DENND5A: variants seen among roughly 807,000 people sequenced by gnomAD.
The protein encoded by DENND5A is DENN domain containing 5A, also known as DENN domain-containing protein 5A.
Under a neutral mutation model 140.3 loss-of-function variants are expected in DENND5A, and 64 were observed. That is an observed-to-expected ratio of 0.46 (90% CI 0.37 to 0.56). The LOEUF is 0.56. Ranked by LOEUF, DENND5A falls within the 20% of genes least tolerant of loss-of-function variation. The pLI, the probability that DENND5A is intolerant of heterozygous loss-of-function variation, is 0.00. For synonymous variants in DENND5A, 605 were observed against 607.7 expected (o/e 1.00, Z 0.07); for missense variants, 1,292 against 1,593.8 (o/e 0.81, Z 3.22).
intron 10 of DENND5A, 95 bp from the exon 11 acceptor site, chr11:9,166,062 T>C (rs1848180956): frequency 8.7e-7 from 1 of 1,153,192 alleles, no homozygotes; most frequent in Non-Finnish European, 1.2e-6. Flanking sequence ...CATTATTTTC[T>C]CACATTTTCT....
rs11422899 is a variant in DENND5A at position 9,252,295 on chromosome 11, C to CAAA, written c.109+12663_109+12665dup. ...TGGGCGACAGAGCAAGACTCCGTCTCAAAAAAAAAAAAAAAAAAAGAACTA... is the reference window on the plus strand; with the variant it reads ...TGGGCGACAGAGCAAGACTCCGTCTCAAAAAAAAAAAAAAAAAAAAAAGAACTA... On this transcript the variant is annotated intron_variant, in intron 1 of 22. Coordinates refer to ENST00000328194, the MANE Select transcript of DENND5A (RefSeq NM_015213.4). Among the ~76,000 whole-genome samples the CAAA allele has an allele frequency of 5.0e-3, 343 of 68,992 alleles. 6 individuals carry two copies. The highest frequency in any genetic ancestry group is 0.047 in the East Asian group (85 of 1,816). The allele number at this position is 68,992 out of a possible 152,430, so 45.3% of individuals were successfully genotyped here.
At chr11:9,257,734 G>A (rs561213123) in intron 1 of DENND5A, among the ~76,000 whole-genome samples, 16 of 149,206 alleles carry the variant, frequency 1.1e-4, no homozygotes, top group African/African-American at 2.2e-4. Flanking sequence ...CGCCCACCCC[G>A]GCCTCCCAAA....
At chr11:9,170,831 CAAAT>C in intron 8 of DENND5A, 54 bp from the exon 9 acceptor site, 1 of 1,589,720 alleles carries the variant, frequency 6.3e-7, no homozygotes, top group South Asian at 1.1e-5. Flanking sequence ...AATACACACA[CAAAT>C]AAATCAAGTC....
chr11:9,176,717 T>C (rs970132427), intron 8 of DENND5A: 10 of 328,808 alleles, frequency 3.0e-5, no homozygotes, highest in African/African-American at 4.4e-5. Flanking sequence ...GAAGGTTTCA[T>C]AGAGAAGGAA....
chr11:9,140,066 G>T, intron 22 of DENND5A: 1 of 1,141,428 alleles, frequency 8.8e-7, no homozygotes, highest in Non-Finnish European at 1.2e-6. Flanking sequence ...GCCCTGTCAT[G>T]AGCCTCCAAG....
intron 1 of DENND5A, among the ~76,000 whole-genome samples, chr11:9,224,726 C>T (rs952315746): frequency 4.6e-5 from 7 of 151,860 alleles, no homozygotes; most frequent in African/African-American, 1.2e-4. Context: ...GGCGTGGTGG[C>T]GCGCGCCTGT....
At chr11:9,178,751 C>T in intron 7 of DENND5A, 107 bp downstream of exon 7, 1 of 929,802 alleles carries the variant, frequency 1.1e-6, no homozygotes, top group South Asian at 1.5e-5. Flanking sequence ...TTGTTTCCAG[C>T]ATATGATAAT....
intron 1 of DENND5A, among the ~76,000 whole-genome samples, chr11:9,243,903 T>C (rs1395272014): frequency 6.6e-6 from 1 of 152,112 alleles, no homozygotes; most frequent in Non-Finnish European, 1.5e-5. Flanking sequence ...CAAAAAATAA[T>C]ATTTTATTTC....
rs1032099903 is a variant in DENND5A, at chr11:9,249,675, G to A, written c.109+15286C>T. ...CAATTCTCCTGCCTCAGCCTCCCAAGTAGCTGGGATTACAGGCGCCCACCA... is the reference window on the plus strand; with the variant it reads ...CAATTCTCCTGCCTCAGCCTCCCAAATAGCTGGGATTACAGGCGCCCACCA... On this transcript the variant is annotated intron_variant, in intron 1 of 22. Coordinates refer to ENST00000328194, the MANE Select transcript of DENND5A (RefSeq NM_015213.4). Among the ~76,000 whole-genome samples the A allele has an allele frequency of 2.6e-5, 4 of 152,050 alleles. No individual in the cohort carries two copies. In the East Asian group the frequency reaches 5.8e-4, roughly 22 times the overall value.
At position 9,139,728 on chromosome 11, in the gene DENND5A, T is replaced by C; in HGVS notation, c.3807A>G (p.Thr1269=). The C allele has an allele frequency of 6.2e-7, 1 of 1,614,054 alleles. No homozygotes were observed. Among genetic ancestry groups the C allele is most frequent in the Non-Finnish European group, 8.5e-7 (1 of 1,179,986 alleles). Residue 1269 remains threonine (T), a synonymous_variant, in exon 23 of 23, where the codon ACA becomes ACG. Coordinates refer to ENST00000328194, the MANE Select transcript of DENND5A (RefSeq NM_015213.4). ...CCAGCGTGATGTTGAACTCCTGCAA[T>C]GTCTGCAGCACACGAATCAAGGAAT... ...LVNSLIRVLQ[T]LQEFNITLET... is the part of the protein sequence containing the mutation.
rs775128850 is a variant in DENND5A at position 9,193,656 on chromosome 11, C to T, written c.975G>A (p.Ala325=). The T allele has an allele frequency of 2.7e-5, 44 of 1,612,998 alleles. No individual in the cohort carries two copies. Among genetic ancestry groups the T allele is most frequent in the East Asian group, 2.5e-4 (11 of 44,840 alleles). Residue 325 remains alanine (A), a synonymous_variant, in exon 5 of 23, where the codon GCG becomes GCA. Transcript: ENST00000328194. ...GAAACATGAGAGCTGTAATCGTCTC[C>T]GCCACAGTCATCAGTCTCTGGTAAT... The part of the protein sequence containing the change: ...SQHYQRLMTV[A]ETITALMFPF...
intron 1 of DENND5A, among the ~76,000 whole-genome samples, chr11:9,261,220 C>T (rs571117499): frequency 3.9e-5 from 6 of 152,070 alleles, no homozygotes; most frequent in Admixed American, 2.0e-4. Flanking sequence ...GAAGGAACAC[C>T]GAGCATCTTT....
At chr11:9,252,560 T>C (rs999466194) in intron 1 of DENND5A, among the ~76,000 whole-genome samples, 2 of 151,916 alleles carry the variant, frequency 1.3e-5, no homozygotes, top group African/African-American at 4.8e-5. Context: ...GGCAGAAGAA[T>C]TGCTTGAACC....
intron 1 of DENND5A, among the ~76,000 whole-genome samples, chr11:9,226,032 C>T (rs1393759321): frequency 6.7e-6 from 1 of 150,334 alleles, no homozygotes; most frequent in Non-Finnish European, 1.5e-5. Flanking sequence ...ATGAGCTGTG[C>T]TCATGCCACT....
At chr11:9,196,109 T>C (rs1167396515) in intron 4 of DENND5A, among the ~76,000 whole-genome samples, 3 of 152,114 alleles carry the variant, frequency 2.0e-5, no homozygotes, top group Non-Finnish European at 4.4e-5. Context: ...CGAGCCACCA[T>C]GCCTGGCTAA....
intron 4 of DENND5A, among the ~76,000 whole-genome samples, chr11:9,196,271 G>A (rs1202162533): frequency 6.6e-6 from 1 of 151,796 alleles, no homozygotes; most frequent in African/African-American, 2.4e-5. Flanking sequence ...TGACTTGTAT[G>A]TGCAGATAAA....
At chr11:9,151,505 G>C (rs11042197) in intron 13 of DENND5A, among the ~76,000 whole-genome samples, 24,011 of 152,080 alleles carry the variant, frequency 0.16, 2,410 homozygotes, top group Middle Eastern at 0.22. Flanking sequence ...TATCTCCCCA[G>C]GTTCAGTGCT....
chr11:9,141,890 C>G lies in DENND5A; in HGVS notation c.3680+50G>C, dbSNP rs151296874. On this transcript the variant is annotated intron_variant, in intron 22 of 22. Coordinates refer to ENST00000328194, the MANE Select transcript of DENND5A (RefSeq NM_015213.4). ...CCTGCACTGCACCAGGCCTCCAACACCACCACCAAGGCTAACCGCTGTGCA... is the reference window on the plus strand; with the variant it reads ...CCTGCACTGCACCAGGCCTCCAACAGCACCACCAAGGCTAACCGCTGTGCA... 3 of 1,498,386 alleles carry G rather than the reference C, an allele frequency of 2.0e-6. No homozygotes were observed. In the African/African-American group the frequency reaches 4.2e-5, roughly 21 times the overall value. 92.8% of individuals were successfully genotyped at this position (1,498,386 alleles called of 1,614,324 possible).
rs533732143 is a variant in DENND5A at position 9,186,631 on chromosome 11, C to T, written c.1138-5547G>A. Among the ~76,000 whole-genome samples, 5 of 152,318 alleles carry T rather than the reference C, an allele frequency of 3.3e-5. No homozygotes were observed. In the South Asian group the frequency reaches 1.0e-3, roughly 32 times the overall value. Reference sequence around the variant, plus strand: ...TTTAAAACTCCAAATGCTGTGTCCACATTTGTAGAAACCTTTGGTCAGAGG... The same window carrying T: ...TTTAAAACTCCAAATGCTGTGTCCATATTTGTAGAAACCTTTGGTCAGAGG... On this transcript the variant is annotated intron_variant, in intron 5 of 22. Coordinates refer to ENST00000328194, the MANE Select transcript of DENND5A (RefSeq NM_015213.4).
Sources: allele counts gnomAD v4.1 joint callset (sites outside exome capture counted in the v4.1 genomes callset), GRCh38; gene constraint gnomAD v4.1.1; transcripts MANE v1.5; gene names NCBI Gene and HGNC (gene_info 2026-07-23, HGNC 2026-07-21).